CCSER1: variants seen among roughly 807,000 people sequenced by gnomAD.
CCSER1 encodes the protein coiled-coil serine rich protein 1.
In CCSER1, 41 loss-of-function variants were observed where a neutral mutation model predicts 82.0. That is an observed-to-expected ratio of 0.50 (90% CI 0.39 to 0.65). The LOEUF is 0.65. CCSER1 is among the 30% of genes least tolerant of loss of function. CCSER1 has a pLI of 0.00. For missense variants in CCSER1, 1,119 were observed against 1,064.2 expected (o/e 1.05, Z -0.72); for synonymous variants, 414 against 383.9 (o/e 1.08, Z -0.92).
intron 10 of CCSER1, among the ~76,000 whole-genome samples, chr4:91,199,753 T>C (rs1735750784): frequency 2.6e-5 from 4 of 152,050 alleles, no homozygotes; most frequent in Non-Finnish European, 5.9e-5. Flanking sequence ...TTAGCTTTAC[T>C]TAAAATGTTT....
chr4:91,333,845 A>C lies in CCSER1; in HGVS notation c.2217+247851A>C, dbSNP rs1008635368. Reference sequence around the variant, plus strand: ...CATACAAATAGCAAAAGAGCAAGACAATTACTTTTTTGGATTGACTTATGT... The same window carrying C: ...CATACAAATAGCAAAAGAGCAAGACCATTACTTTTTTGGATTGACTTATGT... On this transcript the variant is annotated intron_variant, in intron 10 of 10. Transcript: ENST00000509176. Among the ~76,000 whole-genome samples the C allele has an allele frequency of 4.6e-5, 7 of 152,062 alleles. No homozygotes were observed. In the South Asian group the frequency reaches 8.3e-4, roughly 18 times the overall value.
intron 10 of CCSER1, among the ~76,000 whole-genome samples, chr4:91,590,325 C>T (rs945075378): frequency 2.0e-5 from 3 of 152,078 alleles, no homozygotes; most frequent in Admixed American, 2.0e-4. Flanking sequence ...CTGCCAGAAC[C>T]TTTTGATGTT....
rs1005670448 is a variant in CCSER1, at chr4:90,164,085, T to A, written c.-42+36254T>A. ...AAGCACTTTAGGATGTTGTGCAGCT[T>A]CAGGCAACAGCAGGCTCCCTGGAAA... On this transcript the variant is annotated intron_variant, in intron 1 of 10. Coordinates refer to ENST00000509176, the MANE Select transcript of CCSER1 (RefSeq NM_001145065.2). Among the ~76,000 whole-genome samples the A allele has an allele frequency of 7.2e-5, 11 of 152,110 alleles. 1 individual carries two copies. Among genetic ancestry groups the A allele is most frequent in the African/African-American group, 2.7e-4 (11 of 41,428 alleles).
At chr4:90,521,608 T>C (rs1773147611) in intron 5 of CCSER1, among the ~76,000 whole-genome samples, 1 of 151,830 alleles carries the variant, frequency 6.6e-6, no homozygotes, top group African/African-American at 2.4e-5. Context: ...ATTGTAGTCA[T>C]GAAAAGCAAA....
chr4:90,994,683 G>A (rs528517298), intron 9 of CCSER1, among the ~76,000 whole-genome samples: 7 of 152,214 alleles, frequency 4.6e-5, no homozygotes, highest in African/African-American at 1.4e-4. Context: ...AACTAAGTCT[G>A]CCTAACATCA....
intron 4 of CCSER1, among the ~76,000 whole-genome samples, chr4:90,408,640 C>T (rs1032157113): frequency 1.3e-5 from 2 of 152,142 alleles, no homozygotes; most frequent in Non-Finnish European, 2.9e-5. Context: ...TGTACGTCAC[C>T]ATCATCAAAG....
At chr4:91,342,315 T>C (rs999172414) in intron 10 of CCSER1, among the ~76,000 whole-genome samples, 2 of 152,202 alleles carry the variant, frequency 1.3e-5, no homozygotes, top group East Asian at 1.9e-4. Context: ...CTAGACATAT[T>C]AGCCATTACT....
chr4:91,462,932 C>A (rs1380553527), intron 10 of CCSER1, among the ~76,000 whole-genome samples: 1 of 152,178 alleles, frequency 6.6e-6, no homozygotes, highest in Non-Finnish European at 1.5e-5. Flanking sequence ...CCTCTGGGGG[C>A]AGGGCATAGC....
At chr4:91,282,042 A>G (rs1165190002) in intron 10 of CCSER1, among the ~76,000 whole-genome samples, 1 of 152,218 alleles carries the variant, frequency 6.6e-6, no homozygotes, top group Admixed American at 6.5e-5. Context: ...CAAAGTTAAA[A>G]AAAACTTGAA....
chr4:91,574,709 C>A (rs114818772), intron 10 of CCSER1, among the ~76,000 whole-genome samples: 1 of 151,590 alleles, frequency 6.6e-6, no homozygotes, highest in Non-Finnish European at 1.5e-5. Context: ...ATAAAAATGA[C>A]AACAATAGAC....
chr4:91,506,850 A>G (rs7698155), intron 10 of CCSER1, among the ~76,000 whole-genome samples: 21 of 152,220 alleles, frequency 1.4e-4, no homozygotes, highest in African/African-American at 4.3e-4. Context: ...TTCTGTCTCA[A>G]TGAATTTGCC....
chr4:90,372,506 T>C (rs1205806808), intron 3 of CCSER1, among the ~76,000 whole-genome samples: 1 of 152,050 alleles, frequency 6.6e-6, no homozygotes, highest in Non-Finnish European at 1.5e-5. Flanking sequence ...TCCCAGCATT[T>C]TGGGAGGCCG....
chr4:91,095,060 G>A (rs904551643), intron 10 of CCSER1, among the ~76,000 whole-genome samples: 1 of 152,106 alleles, frequency 6.6e-6, no homozygotes, highest in Non-Finnish European at 1.5e-5. Context: ...TTTTTGATAA[G>A]AGGGCCACTG....
At chr4:90,724,612 C>CTA (rs1480869244) in intron 7 of CCSER1, 3 of 330,160 alleles carry the variant, frequency 9.1e-6, no homozygotes, top group African/African-American at 2.2e-5. Flanking sequence ...TGTAGATCAA[C>CTA]TATTTTATGT....
At chr4:90,615,253 C>A (rs989897327) in intron 5 of CCSER1, among the ~76,000 whole-genome samples, 1 of 152,090 alleles carries the variant, frequency 6.6e-6, no homozygotes, top group African/African-American at 2.4e-5. Flanking sequence ...GTTTTCATGC[C>A]GTCTAACAGA....
chr4:91,395,975 G>T (rs1421991672), intron 10 of CCSER1, among the ~76,000 whole-genome samples: 1 of 152,058 alleles, frequency 6.6e-6, no homozygotes, highest in Non-Finnish European at 1.5e-5. Context: ...ATATATGTTT[G>T]CCTGGCTCCT....
intron 10 of CCSER1, among the ~76,000 whole-genome samples, chr4:91,425,575 T>A (rs1753920039): frequency 6.6e-6 from 1 of 152,156 alleles, no homozygotes; most frequent in African/African-American, 2.4e-5. Context: ...TGATAAGTTA[T>A]CTTCTTTAGG....
intron 3 of CCSER1, among the ~76,000 whole-genome samples, chr4:90,387,601 A>G (rs369454721): frequency 6.6e-6 from 1 of 152,180 alleles, no homozygotes; most frequent in African/African-American, 2.4e-5. Flanking sequence ...ATATCAGTCA[A>G]CTTGGAGGCT....
intron 9 of CCSER1, among the ~76,000 whole-genome samples, chr4:91,036,609 C>T (rs1221895578): frequency 2.0e-5 from 3 of 151,908 alleles, no homozygotes; most frequent in Admixed American, 6.6e-5. Context: ...TTTTATTTCC[C>T]AAACTGTGAA....
Sources: allele counts gnomAD v4.1 joint callset (sites outside exome capture counted in the v4.1 genomes callset), GRCh38; gene constraint gnomAD v4.1.1; transcripts MANE v1.5; gene names NCBI Gene and HGNC (gene_info 2026-07-23, HGNC 2026-07-21).